Variants in GFOD1 observed in about 807,000 individuals in gnomAD.
GFOD1 encodes the protein glucose-fructose oxidoreductase domain-containing protein 1.
In GFOD1, 9 loss-of-function variants were observed where a neutral mutation model predicts 25.4. That is an observed-to-expected ratio of 0.35 (90% CI 0.21 to 0.62). The LOEUF (loss-of-function observed/expected upper bound fraction) is 0.62. Ranked by LOEUF, GFOD1 falls within the 20% of genes least tolerant of loss-of-function variation. The pLI, the probability that GFOD1 is intolerant of heterozygous loss-of-function variation, is 0.72. For synonymous variants in GFOD1, 253 were observed against 245.6 expected (o/e 1.03, Z -0.28); for missense variants, 403 against 556.9 (o/e 0.72, Z 2.78).
chr6:13,468,643 G>A (rs553790679), intron 1 of GFOD1, among the ~76,000 whole-genome samples: 1 of 152,200 alleles, frequency 6.6e-6, no homozygotes, highest in Non-Finnish European at 1.5e-5. Flanking sequence ...GTGATCAGCT[G>A]TGACAACCTG....
rs534792046 is a variant in GFOD1 at position 13,364,457 on chromosome 6, C to T, written c.*286G>A. On this transcript the variant is annotated 3_prime_UTR_variant, in exon 2 of 2. Transcript: ENST00000379287. The surrounding 1 kb of genome is among the most constrained non-coding windows in gnomAD (Gnocchi z 4.1). ...CCTTGCTTGTCACAGTAAAGGGCAG[C>T]AGAGGCAGCTAAACCAAACCACTCT... 2.3e-6 allele frequency: 1 copy of T among 434,242 alleles called. No individual in the cohort carries two copies. The highest frequency in any genetic ancestry group is 4.2e-6 in the Non-Finnish European group (1 of 239,248). The allele number at this position is 434,242 out of a possible 1,614,324, so 26.9% of individuals were successfully genotyped here. A position where few individuals can be genotyped will look rare whatever the true frequency, so the allele number is the denominator to read the frequency against.
At chr6:13,477,833 A>G (rs1192157686) in intron 1 of GFOD1, among the ~76,000 whole-genome samples, 1 of 152,048 alleles carries the variant, frequency 6.6e-6, no homozygotes, top group Non-Finnish European at 1.5e-5. Flanking sequence ...TGGAAGACTG[A>G]GGCGGGTGGA....
chr6:13,467,517 C>A (rs1758398211), intron 1 of GFOD1, among the ~76,000 whole-genome samples: 1 of 152,130 alleles, frequency 6.6e-6, no homozygotes, highest in Non-Finnish European at 1.5e-5. Context: ...AAACTGCTAA[C>A]CATTTATACC....
intron 1 of GFOD1, among the ~76,000 whole-genome samples, chr6:13,426,054 C>G (rs1786346489): frequency 1.3e-5 from 2 of 152,232 alleles, no homozygotes; most frequent in Non-Finnish European, 2.9e-5. Context: ...CCAGGCAGTG[C>G]CAGTTGGGTT....
In GFOD1 at chr6:13,462,808, C is replaced by A. The variant is rs528998310; in HGVS notation, c.253+23830G>T. ...ACACACAACAAAAACAAACTAAACC[C>A]AACCCGATGGTTAACCTATGCACCA... On this transcript the variant is annotated intron_variant, in intron 1 of 1. Coordinates refer to ENST00000379287, the MANE Select transcript of GFOD1 (RefSeq NM_018988.4). Among the ~76,000 whole-genome samples, 10 of 152,296 alleles carry A rather than the reference C, an allele frequency of 6.6e-5. No homozygotes were observed. In the East Asian group the frequency reaches 1.7e-3, roughly 26 times the overall value.
chr6:13,365,454 G>A lies in GFOD1; in HGVS notation c.462C>T (p.Ser154=), dbSNP rs746021420. Residue 154 remains serine, a synonymous_variant, in exon 2 of 2, where the codon AGC becomes AGT. Coordinates refer to ENST00000379287, the MANE Select transcript of GFOD1 (RefSeq NM_018988.4). This position sits in a 1 kb window ranked among gnomAD's most constrained non-coding sequence, Gnocchi z 9.2. ...TCCAGTTGTACTTCTTGCCCAGCAG[G>A]CTGCCGCCGTGCACCTGCACCTCAC... The part of the protein sequence containing the change: ...LVCEVQVHGG[S]LLGKKYNWSC... 5.0e-6 allele frequency: 8 copies of A among 1,613,754 alleles called. No homozygotes were observed. In the South Asian group the frequency reaches 7.7e-5, roughly 16 times the overall value.
At chr6:13,457,315 T>G (rs1758206529) in intron 1 of GFOD1, among the ~76,000 whole-genome samples, 1 of 152,150 alleles carries the variant, frequency 6.6e-6, no homozygotes, top group Non-Finnish European at 1.5e-5. Context: ...AACTGTGCCC[T>G]CTAGATAACA....
At chr6:13,484,050 G>C (rs1758812628) in intron 1 of GFOD1, among the ~76,000 whole-genome samples, 1 of 152,160 alleles carries the variant, frequency 6.6e-6, no homozygotes, top group African/African-American at 2.4e-5. Context: ...ATTCACAAAG[G>C]TAGGGATTTT....
At chr6:13,429,549 G>A (rs1031571512) in intron 1 of GFOD1, among the ~76,000 whole-genome samples, 13 of 152,146 alleles carry the variant, frequency 8.5e-5, no homozygotes, top group Admixed American at 6.5e-4. Flanking sequence ...AACTGCTGAC[G>A]TCATAAAGCT....
At chr6:13,458,547 C>T (rs913674186) in intron 1 of GFOD1, among the ~76,000 whole-genome samples, 6 of 151,766 alleles carry the variant, frequency 4.0e-5, no homozygotes, top group African/African-American at 1.5e-4. Flanking sequence ...GATTTCAGTC[C>T]CAGAGCCCTT....
chr6:13,416,708 C>T (rs573941013), intron 1 of GFOD1, among the ~76,000 whole-genome samples: 2 of 152,270 alleles, frequency 1.3e-5, no homozygotes, highest in East Asian at 3.9e-4. Flanking sequence ...GAGAGGGTAT[C>T]TCATATAGAT....
At chr6:13,428,517 TGC>T (rs1192305188) in intron 1 of GFOD1, among the ~76,000 whole-genome samples, 2 of 110,906 alleles carry the variant, frequency 1.8e-5, no homozygotes, top group Admixed American at 7.8e-5. Flanking sequence ...TGCGATGCGA[TGC>T]GCTGGCTTTT....
intron 1 of GFOD1, among the ~76,000 whole-genome samples, chr6:13,406,678 CA>C (rs1785953684): frequency 6.6e-6 from 1 of 152,112 alleles, no homozygotes; most frequent in African/African-American, 2.4e-5. Context: ...ATTTCCCTGA[CA>C]AAGAAGGGGA....
intron 1 of GFOD1, among the ~76,000 whole-genome samples, chr6:13,415,856 T>C (rs1786154461): frequency 6.6e-6 from 1 of 152,152 alleles, no homozygotes; most frequent in African/African-American, 2.4e-5. Context: ...TAAACGAACA[T>C]TGACATATTT....
intron 1 of GFOD1, among the ~76,000 whole-genome samples, chr6:13,382,781 A>T (rs1785392953): frequency 6.6e-6 from 1 of 152,188 alleles, no homozygotes; most frequent in South Asian, 2.1e-4. Flanking sequence ...TATTAAGCCC[A>T]GCATGCATTA....
intron 1 of GFOD1, among the ~76,000 whole-genome samples, chr6:13,432,260 C>T (rs192327314): frequency 6.7e-5 from 10 of 149,870 alleles, no homozygotes; most frequent in African/African-American, 2.0e-4. Flanking sequence ...GGGGCCCAGG[C>T]TGGAATGCAG....
intron 1 of GFOD1, among the ~76,000 whole-genome samples, chr6:13,400,313 C>T (rs1250488989): frequency 6.6e-6 from 1 of 152,184 alleles, no homozygotes; most frequent in African/African-American, 2.4e-5. Flanking sequence ...TCCAGGAATC[C>T]TCCCCATCTC....
intron 1 of GFOD1, among the ~76,000 whole-genome samples, chr6:13,453,714 A>G (rs1005798343): frequency 6.6e-6 from 1 of 152,250 alleles, no homozygotes; most frequent in Non-Finnish European, 1.5e-5. Context: ...CTTTATGTGT[A>G]TTAAATTATA....
chr6:13,370,701 A>G (rs1459817884), intron 1 of GFOD1, among the ~76,000 whole-genome samples: 3 of 122,512 alleles, frequency 2.4e-5, no homozygotes, highest in Non-Finnish European at 5.2e-5. Context: ...GTGTGTGTGT[A>G]TATGTGTTTA....
Sources: gnomAD v4.1 joint callset for allele counts (sites outside exome capture counted in the v4.1 genomes callset) on GRCh38, gnomAD v4.1.1 for gene constraint, Gnocchi (gnomAD v3.1) non-coding constraint, MANE v1.5 for transcripts, NCBI Gene and HGNC (gene_info 2026-07-23, HGNC 2026-07-21) for gene names.